The following GNE variants were observed in gnomAD, a reference collection of about 807,000 sequenced individuals.
GNE encodes glucosamine (UDP-N-acetyl)-2-epimerase/N-acetylmannosamine kinase.
GNE carries 41 observed loss-of-function variants against 61.8 expected under a neutral mutation model. The observed-to-expected ratio is 0.66, with a 90% confidence interval of 0.52 to 0.86. The LOEUF (loss-of-function observed/expected upper bound fraction) is 0.86. GNE is among the 40% of genes least tolerant of loss of function. GNE has a pLI of 0.00. For synonymous variants in GNE, 264 were observed against 326.4 expected (o/e 0.81, Z 2.06); for missense variants, 608 against 909.1 (o/e 0.67, Z 4.26).
At chr9:36,233,880 A>ATAAAGCC in intron 5 of GNE, 40 bp downstream of exon 5, 1 of 1,446,770 alleles carries the variant, frequency 6.9e-7, no homozygotes, top group South Asian at 1.1e-5. Context: ...TCACGTATGT[A>ATAAAGCC]TAAAGCCTAG....
intron 4 of GNE, among the ~76,000 whole-genome samples, chr9:36,236,285 C>T (rs1268954148): frequency 6.6e-6 from 1 of 151,962 alleles, no homozygotes; most frequent in East Asian, 1.9e-4. Context: ...ACTGCAACCT[C>T]CACCTTCCAG....
chr9:36,245,305 C>A (rs889455882), intron 3 of GNE, among the ~76,000 whole-genome samples: 8 of 151,738 alleles, frequency 5.3e-5, no homozygotes, highest in Non-Finnish European at 8.8e-5. Flanking sequence ...CATAAAAACA[C>A]CCATAATCCC....
At chr9:36,256,380 G>A (rs967939025) in intron 1 of GNE, among the ~76,000 whole-genome samples, 2 of 149,962 alleles carry the variant, frequency 1.3e-5, no homozygotes, top group African/African-American at 4.9e-5. Context: ...GAGTAGCTGG[G>A]ATCACAGGCG....
intron 1 of GNE, among the ~76,000 whole-genome samples, chr9:36,273,365 C>T (rs974359435): frequency 4.0e-4 from 61 of 151,196 alleles, no homozygotes; most frequent in Middle Eastern, 3.4e-3. Flanking sequence ...TACAGGCACC[C>T]GCCACCACAC....
At chr9:36,249,735 T>C (rs561730839) in intron 1 of GNE, among the ~76,000 whole-genome samples, 1 of 151,248 alleles carries the variant, frequency 6.6e-6, no homozygotes, top group African/African-American at 2.4e-5. Flanking sequence ...AAAAAAAAAA[T>C]TAGCTGGGCG....
intron 3 of GNE, 96 bp downstream of exon 3, chr9:36,245,935 G>T: frequency 1.0e-6 from 1 of 968,850 alleles, no homozygotes; most frequent in Non-Finnish European, 1.6e-6. Flanking sequence ...TGCTAACAGA[G>T]TATTCTATCC....
intron 5 of GNE, among the ~76,000 whole-genome samples, chr9:36,230,482 C>T (rs971227885): frequency 3.3e-5 from 5 of 151,046 alleles, no homozygotes; most frequent in African/African-American, 7.3e-5. Context: ...TTTTTTGAGA[C>T]GGAGTCTTGC....
intron 3 of GNE, among the ~76,000 whole-genome samples, chr9:36,241,086 T>C (rs1365187213): frequency 6.6e-6 from 1 of 152,068 alleles, no homozygotes; most frequent in Non-Finnish European, 1.5e-5. Context: ...GTTTTATTTA[T>C]CTTTTCAAAG....
intron 1 of GNE, among the ~76,000 whole-genome samples, chr9:36,253,570 G>A (rs185820085): frequency 9.9e-5 from 15 of 151,598 alleles, no homozygotes; most frequent in Admixed American, 2.0e-4. Flanking sequence ...GAGCCACCGC[G>A]CCCAGCCACA....
chr9:36,246,928 CAA>C (rs1829904330), intron 2 of GNE, among the ~76,000 whole-genome samples: 1 of 152,184 alleles, frequency 6.6e-6, no homozygotes, highest in Non-Finnish European at 1.5e-5. Context: ...CTTGACCTAC[CAA>C]AGTGCTGGGA....
intron 11 of GNE, 131 bp from the exon 12 acceptor site, chr9:36,217,731 T>C (rs1235350858): frequency 2.8e-6 from 2 of 708,854 alleles, no homozygotes; most frequent in Admixed American, 2.0e-5. Context: ...AGGCAGTGTT[T>C]TAAAAGCAGT....
chr9:36,248,451 A>C (rs1156540194), intron 2 of GNE, among the ~76,000 whole-genome samples: 1 of 151,274 alleles, frequency 6.6e-6, no homozygotes, highest in Non-Finnish European at 1.5e-5. Flanking sequence ...AGTAGCTAGG[A>C]CTACGGGCAT....
At chr9:36,261,410 G>T (rs574747369), upstream of GNE, among the ~76,000 whole-genome samples, 1 of 151,866 alleles carries the variant, frequency 6.6e-6, no homozygotes, top group South Asian at 2.1e-4. Context: ...AAAATTAGCC[G>T]GGGATGGTGG....
At chr9:36,258,269 G>A in intron 1 of GNE, 52 bp downstream of exon 1, 1 of 953,210 alleles carries the variant, frequency 1.0e-6, no homozygotes, top group African/African-American at 1.8e-5. Flanking sequence ...AGGCGGCCCT[G>A]GGGGTGGGCA....
In GNE at chr9:36,214,804, A is replaced by G. The variant is rs1178830090; in HGVS notation, c.*2561T>C. ...GGAATCACCATGGAATGTCTGAACA[A>G]TAACCAGGCCCTGGAGATTACTGCA... On this transcript the variant is annotated 3_prime_UTR_variant, in exon 12 of 12. Coordinates refer to ENST00000642385, the MANE Select transcript of GNE (RefSeq NM_005476.7). The G allele has an allele frequency of 6.6e-6, 1 of 152,226 alleles. No homozygotes were observed. Among genetic ancestry groups the G allele is most frequent in the African/African-American group, 2.4e-5 (1 of 41,460 alleles). 9.4% of individuals were successfully genotyped at this position (152,226 alleles called of 1,614,324 possible).
In GNE at chr9:36,249,186, T is replaced by C; in HGVS notation, c.164+6A>G. ...AATGAAGAATAAGAAAATGCTTTCA[T>C]CTTACCCATAGTCATCTATCAGGTG... On this transcript the variant is annotated splice_donor_region_variant and intron_variant, in intron 2 of 11. Transcript: ENST00000642385. 1.2e-6 allele frequency: 2 copies of C among 1,609,362 alleles called. No homozygotes were observed. The highest frequency in any genetic ancestry group is 1.1e-5 in the South Asian group (1 of 90,962).
chr9:36,261,410 G>A (rs574747369), upstream of GNE, among the ~76,000 whole-genome samples: 9 of 151,744 alleles, frequency 5.9e-5, no homozygotes, highest in South Asian at 2.1e-4. Flanking sequence ...AAAATTAGCC[G>A]GGGATGGTGG....
In GNE at chr9:36,214,766, A is replaced by T. The variant is rs571622281; in HGVS notation, c.*2599T>A. 1 of 152,206 alleles carries T rather than the reference A, an allele frequency of 6.6e-6. No homozygotes were observed. The highest frequency in any genetic ancestry group is 1.5e-5 in the Non-Finnish European group (1 of 68,044). The allele number at this position is 152,206 out of a possible 1,614,324, so 9.4% of individuals were successfully genotyped here. ...CCCAGACTCAGAAACTGAGCAGCCA[A>T]GCTTCCTTCCCAGGAATCACCATGG... On this transcript the variant is annotated 3_prime_UTR_variant, in exon 12 of 12. Coordinates refer to ENST00000642385, the MANE Select transcript of GNE (RefSeq NM_005476.7).
At position 36,238,880 on chromosome 9, in the gene GNE, C is replaced by T. The variant is rs1587323655; in HGVS notation, c.617-1896G>A. On this transcript the variant is annotated intron_variant, in intron 3 of 11. Coordinates refer to ENST00000642385, the MANE Select transcript of GNE (RefSeq NM_005476.7). ...TTTTATAGTTTCAGATCTTAAAGTCCTTAATCCATCTTGAGTTGATTTTTG... is the reference window on the plus strand; with the variant it reads ...TTTTATAGTTTCAGATCTTAAAGTCTTTAATCCATCTTGAGTTGATTTTTG... Among the ~76,000 whole-genome samples, 6 of 152,090 alleles carry T rather than the reference C, an allele frequency of 3.9e-5. No individual in the cohort carries two copies. In the South Asian group the frequency reaches 1.2e-3, roughly 31 times the overall value.
Sources: gnomAD v4.1 joint callset for allele counts (sites outside exome capture counted in the v4.1 genomes callset) on GRCh38, gnomAD v4.1.1 for gene constraint, MANE v1.5 for transcripts, NCBI Gene and HGNC (gene_info 2026-07-23, HGNC 2026-07-21) for gene names.